Variants in SDK1 observed in about 807,000 individuals in gnomAD.
SDK1 encodes protein sidekick-1.
In SDK1, 157 loss-of-function variants were observed where a neutral mutation model predicts 245.5. The observed-to-expected ratio is 0.64, with a 90% CI of 0.56 to 0.73. The LOEUF (loss-of-function observed/expected upper bound fraction) is 0.73. SDK1 is among the 30% of genes least tolerant of loss of function. SDK1 has a pLI of 0.00. For synonymous variants in SDK1, 1,647 were observed against 1,278.5 expected, an observed-to-expected ratio of 1.29 and a Z score of -6.15; for missense variants, 3,583 against 3,002.3, an observed-to-expected ratio of 1.19 and a Z score of -4.52.
chr7:4,062,976 A>G (rs1779633104), intron 19 of SDK1, among the ~76,000 whole-genome samples: 1 of 152,228 alleles, frequency 6.6e-6, no homozygotes, highest in South Asian at 2.1e-4. Context: ...AAGTCTGTAT[A>G]TGAAAAACCC....
chr7:3,806,946 T>C (rs1173777246), intron 4 of SDK1, among the ~76,000 whole-genome samples: 1 of 152,202 alleles, frequency 6.6e-6, no homozygotes, highest in Non-Finnish European at 1.5e-5. Context: ...TTGTGGTTAA[T>C]AATGTTTTCA....
chr7:3,706,883 A>G (rs1240387607), intron 4 of SDK1, among the ~76,000 whole-genome samples: 1 of 152,088 alleles, frequency 6.6e-6, no homozygotes, highest in African/African-American at 2.4e-5. Context: ...GATCTTTTGT[A>G]TTTCTGTGCT....
At chr7:3,683,260 C>G (rs1004680567) in intron 4 of SDK1, among the ~76,000 whole-genome samples, 3 of 152,126 alleles carry the variant, frequency 2.0e-5, no homozygotes, top group African/African-American at 7.2e-5. Flanking sequence ...ATGTTGATAA[C>G]AGGACCCAGC....
intron 12 of SDK1, 144 bp downstream of exon 12, chr7:3,971,712 C>T (rs1782502132): frequency 3.0e-6 from 2 of 666,616 alleles, no homozygotes; most frequent in South Asian, 3.4e-5. Context: ...GTTGTGGGCA[C>T]CGTCATTAAT....
intron 27 of SDK1, among the ~76,000 whole-genome samples, chr7:4,130,952 A>T (rs1240821197): frequency 4.6e-5 from 7 of 151,720 alleles, no homozygotes; most frequent in African/African-American, 1.7e-4. Flanking sequence ...AGTGGAAAGC[A>T]CTCTCTCCAC....
intron 44 of SDK1, among the ~76,000 whole-genome samples, chr7:4,262,745 AC>A (rs1562492329): frequency 3.1e-5 from 1 of 31,886 alleles, no homozygotes; most frequent in African/African-American, 1.3e-4. Context: ...ATCACACCCC[AC>A]CCCCTCCCCT....
At chr7:3,590,082 G>A (rs1204102359) in intron 1 of SDK1, among the ~76,000 whole-genome samples, 5 of 152,118 alleles carry the variant, frequency 3.3e-5, no homozygotes, top group Non-Finnish European at 7.3e-5. Flanking sequence ...ATGTGTTAGG[G>A]GATAGATGAT....
intron 1 of SDK1, among the ~76,000 whole-genome samples, chr7:3,387,950 T>C (rs908493847): frequency 6.6e-6 from 1 of 152,206 alleles, no homozygotes; most frequent in African/African-American, 2.4e-5. Flanking sequence ...AATTTGCTAT[T>C]AAGTGAGAGA....
intron 1 of SDK1, among the ~76,000 whole-genome samples, chr7:3,491,730 G>A (rs183540081): frequency 2.6e-5 from 4 of 152,286 alleles, no homozygotes; most frequent in East Asian, 3.9e-4. Context: ...AAGGTAACCC[G>A]AGTGTTACGG....
intron 1 of SDK1, among the ~76,000 whole-genome samples, chr7:3,556,306 G>C (rs985265315): frequency 6.6e-6 from 1 of 152,114 alleles, no homozygotes; most frequent in Admixed American, 6.5e-5. Flanking sequence ...AGCACAGAAG[G>C]ACAAACTTCA....
chr7:3,856,238 G>T (rs1482547424), intron 5 of SDK1, among the ~76,000 whole-genome samples: 1 of 152,008 alleles, frequency 6.6e-6, no homozygotes, highest in African/African-American at 2.4e-5. Flanking sequence ...AGGGTAGCTA[G>T]TAGAAGAATA....
rs756827178 is a variant in SDK1 at position 3,974,462 on chromosome 7, G to A, written c.1911G>A (p.Thr637=). ...ACGGGTCCCTTCTCATCAGCCAGAC[G>A]TGGTCAGGCGACATCGGTGACTACA... ...EKDGSLLISQ[T]WSGDIGDYSC... Residue 637 remains threonine, a synonymous_variant, in exon 13 of 45, where the codon ACG becomes ACA. Transcript: ENST00000404826. 22 of 1,613,946 alleles carry A rather than the reference G, an allele frequency of 1.4e-5. No homozygotes were observed. The highest frequency in any genetic ancestry group is 1.5e-5 in the Non-Finnish European group (18 of 1,179,946).
At chr7:3,592,743 T>C (rs1268307780) in intron 1 of SDK1, among the ~76,000 whole-genome samples, 1 of 152,180 alleles carries the variant, frequency 6.6e-6, no homozygotes, top group East Asian at 1.9e-4. Flanking sequence ...CACCGCTTTA[T>C]ATAAAGAACT....
At chr7:3,839,455 G>A (rs1391749668) in intron 5 of SDK1, among the ~76,000 whole-genome samples, 1 of 152,166 alleles carries the variant, frequency 6.6e-6, no homozygotes, top group African/African-American at 2.4e-5. Context: ...AAATCACTGA[G>A]TGACGATGGG....
intron 2 of SDK1, among the ~76,000 whole-genome samples, chr7:3,625,667 T>G (rs192101405): frequency 6.6e-6 from 1 of 152,236 alleles, no homozygotes; most frequent in Non-Finnish European, 1.5e-5. Context: ...GAGGAAATTA[T>G]TTATCAGCTC....
intron 5 of SDK1, among the ~76,000 whole-genome samples, chr7:3,849,268 C>T (rs1301836782): frequency 6.6e-6 from 1 of 152,196 alleles, no homozygotes; most frequent in Non-Finnish European, 1.5e-5. Context: ...GCACCCACTC[C>T]TGGCTCATTC....
intron 11 of SDK1, among the ~76,000 whole-genome samples, chr7:3,970,577 A>T (rs1230694622): frequency 1.3e-5 from 2 of 152,210 alleles, no homozygotes; most frequent in South Asian, 2.1e-4. Flanking sequence ...TAAAAAGCTT[A>T]TGAAAAAGTG....
At chr7:4,156,241 G>A (rs543411761) in intron 30 of SDK1, among the ~76,000 whole-genome samples, 1 of 152,156 alleles carries the variant, frequency 6.6e-6, no homozygotes, top group South Asian at 2.1e-4. Flanking sequence ...GGCGCAGGGG[G>A]AGGAGGCAGG....
chr7:4,139,673 GTA>G (rs1253287396), intron 28 of SDK1, among the ~76,000 whole-genome samples: 2 of 32,270 alleles, frequency 6.2e-5, no homozygotes, highest in East Asian at 1.2e-3. Context: ...ATGTGTGTGT[GTA>G]TATGTGTGTG....
Sources: gnomAD v4.1 joint callset for allele counts (sites outside exome capture counted in the v4.1 genomes callset) on GRCh38, gnomAD v4.1.1 for gene constraint, MANE v1.5 for transcripts, NCBI Gene and HGNC (gene_info 2026-07-23, HGNC 2026-07-21) for gene names.